Variants in NRXN3 observed in about 807,000 individuals in gnomAD.
NRXN3 encodes the protein neurexin III.
Under a neutral mutation model 137.6 loss-of-function variants are expected in NRXN3, and 32 were observed. The observed-to-expected ratio is 0.23, with a 90% confidence interval of 0.18 to 0.31. The LOEUF is 0.31. Among genes scored for constraint, NRXN3 ranks in the 10% least tolerant of loss-of-function variants. The pLI is 1.00. For synonymous variants in NRXN3, 798 were observed against 784.5 expected (o/e 1.02, Z -0.29); for missense variants, 1,574 against 2,062.5 (o/e 0.76, Z 4.59).
chr14:79,423,275 A>G (rs1263007874), intron 15 of NRXN3, among the ~76,000 whole-genome samples: 2 of 152,194 alleles, frequency 1.3e-5, no homozygotes, highest in Admixed American at 6.5e-5. Flanking sequence ...AGAATTTGCC[A>G]TAGAAATAGG....
chr14:79,745,082 A>G (rs1388311473), intron 19 of NRXN3, among the ~76,000 whole-genome samples: 1 of 152,104 alleles, frequency 6.6e-6, no homozygotes, highest in African/African-American at 2.4e-5. Context: ...CAAAAAGTTC[A>G]GAGCGAAAAG....
chr14:78,257,703 G>A (rs1482307931), intron 2 of NRXN3, among the ~76,000 whole-genome samples: 3 of 152,228 alleles, frequency 2.0e-5, no homozygotes, highest in African/African-American at 7.2e-5. Flanking sequence ...GAGAGGATGA[G>A]TTAGGGAGGG....
intron 4 of NRXN3, among the ~76,000 whole-genome samples, chr14:78,321,107 T>C (rs2079297655): frequency 6.6e-6 from 1 of 150,762 alleles, no homozygotes; most frequent in Admixed American, 6.6e-5. Context: ...TGAGCGAGAC[T>C]TCATTTCAAA....
intron 16 of NRXN3, among the ~76,000 whole-genome samples, chr14:79,605,519 G>T (rs1024485643): frequency 1.3e-5 from 2 of 151,728 alleles, no homozygotes; most frequent in African/African-American, 4.8e-5. Context: ...ACAGAGTCTT[G>T]CTCTGTCACC....
At chr14:79,229,812 T>A (rs1382681287) in intron 15 of NRXN3, among the ~76,000 whole-genome samples, 1 of 152,022 alleles carries the variant, frequency 6.6e-6, no homozygotes, top group African/African-American at 2.4e-5. Flanking sequence ...GCTGTGTAGA[T>A]CTAGTGCAGC....
intron 16 of NRXN3, among the ~76,000 whole-genome samples, chr14:79,545,541 C>T (rs758858941): frequency 1.3e-5 from 2 of 152,036 alleles, no homozygotes; most frequent in Non-Finnish European, 2.9e-5. Context: ...AACTGATTAG[C>T]AAATTTATTC....
At chr14:78,451,120 C>A (rs2094541627) in intron 4 of NRXN3, among the ~76,000 whole-genome samples, 1 of 152,134 alleles carries the variant, frequency 6.6e-6, no homozygotes, top group South Asian at 2.1e-4. Flanking sequence ...CTTATTGCTG[C>A]AGGGTCCTTG....
chr14:78,926,914 A>C (rs867189886), intron 10 of NRXN3, among the ~76,000 whole-genome samples: 677 of 32,602 alleles, frequency 0.021, 176 homozygotes, highest in African/African-American at 0.19. Flanking sequence ...TATATAATAT[A>C]TATATAATAT....
At chr14:79,391,161 C>T (rs140831017) in intron 15 of NRXN3, among the ~76,000 whole-genome samples, 3 of 151,584 alleles carry the variant, frequency 2.0e-5, no homozygotes, top group Non-Finnish European at 4.4e-5. Flanking sequence ...ACAAGAATGG[C>T]CTACATTAAA....
chr14:79,100,325 T>A (rs532739757), intron 15 of NRXN3, among the ~76,000 whole-genome samples: 1 of 152,356 alleles, frequency 6.6e-6, no homozygotes, highest in Admixed American at 6.5e-5. Context: ...GAATCCCCGA[T>A]CGTCTCTTTC....
At chr14:79,654,324 TAAACTTAAAAAAAA>T (rs2098493736) in intron 16 of NRXN3, among the ~76,000 whole-genome samples, 1 of 151,242 alleles carries the variant, frequency 6.6e-6, no homozygotes, top group Non-Finnish European at 1.5e-5. Flanking sequence ...AAACTTAAAT[TAAACTTAAAAAAAA>T]AAACTTAAAA....
intron 4 of NRXN3, among the ~76,000 whole-genome samples, chr14:78,484,031 G>C (rs202051936): frequency 0.028 from 3,202 of 114,318 alleles, 115 homozygotes; most frequent in East Asian, 0.26. Flanking sequence ...CACACACAGA[G>C]AGAGAGAGAG....
At chr14:78,344,356 G>A (rs1035195605) in intron 4 of NRXN3, among the ~76,000 whole-genome samples, 1 of 152,172 alleles carries the variant, frequency 6.6e-6, no homozygotes, top group Admixed American at 6.5e-5. Flanking sequence ...AAAGCAGTCA[G>A]CATTTACCTC....
rs28489533 is a variant in NRXN3 at position 78,815,393 on chromosome 14, A to T, written c.2275+5049A>T. Among the ~76,000 whole-genome samples the T allele has an allele frequency of 2.0e-3, 304 of 149,466 alleles. 1 individual carries two copies. The highest frequency in any genetic ancestry group is 6.9e-3 in the African/African-American group (284 of 41,010). ...GATGTATGAAAATAACATCACAAGG[A>T]TATGATATCTGCAAATTTTATCTCC... On this transcript the variant is annotated intron_variant, in intron 10 of 20. Transcript: ENST00000335750.
chr14:79,504,290 A>T (rs2096852119), intron 16 of NRXN3, among the ~76,000 whole-genome samples: 1 of 152,162 alleles, frequency 6.6e-6, no homozygotes, highest in South Asian at 2.1e-4. Context: ...ATTCTCTGAC[A>T]GATTGTTATT....
At chr14:79,076,109 A>C (rs1452418231) in intron 15 of NRXN3, among the ~76,000 whole-genome samples, 1 of 152,188 alleles carries the variant, frequency 6.6e-6, no homozygotes, top group Non-Finnish European at 1.5e-5. Flanking sequence ...GGAAGAGGAC[A>C]GCTTCTGGGT....
chr14:78,684,155 G>A (rs1395240723), intron 6 of NRXN3, among the ~76,000 whole-genome samples: 1 of 152,118 alleles, frequency 6.6e-6, no homozygotes, highest in Non-Finnish European at 1.5e-5. Flanking sequence ...TTATCTTGGA[G>A]TTGAAAGACC....
chr14:78,379,814 C>T (rs928421678), intron 4 of NRXN3, among the ~76,000 whole-genome samples: 1 of 152,094 alleles, frequency 6.6e-6, no homozygotes, highest in Non-Finnish European at 1.5e-5. Flanking sequence ...AATAAACTGC[C>T]CCTATTTTCA....
At chr14:79,039,909 G>T (rs2099622358) in intron 15 of NRXN3, among the ~76,000 whole-genome samples, 1 of 152,098 alleles carries the variant, frequency 6.6e-6, no homozygotes, top group African/African-American at 2.4e-5. Context: ...TTGCTAGGTT[G>T]CCCAGGCTGG....
Sources: gnomAD v4.1 joint callset for allele counts (sites outside exome capture counted in the v4.1 genomes callset) on GRCh38, gnomAD v4.1.1 for gene constraint, MANE v1.5 for transcripts, NCBI Gene and HGNC (gene_info 2026-07-23, HGNC 2026-07-21) for gene names.